Variants in NEXN observed in about 807,000 individuals in gnomAD.
The protein encoded by NEXN is nexilin.
NEXN carries 65 observed loss-of-function variants against 92.6 expected under a neutral mutation model. The observed-to-expected ratio is 0.70, with a 90% CI of 0.57 to 0.86. NEXN has a LOEUF of 0.86. Ranked by LOEUF, NEXN falls within the 40% of genes least tolerant of loss-of-function variation. The pLI is 0.00. For synonymous variants in NEXN, 254 were observed against 242.5 expected (o/e 1.05, Z -0.44); for missense variants, 778 against 771.1 (o/e 1.01, Z -0.11).
chr1:77,925,622 T>C (rs1649783546), intron 6 of NEXN, among the ~76,000 whole-genome samples: 1 of 152,166 alleles, frequency 6.6e-6, no homozygotes, highest in Non-Finnish European at 1.5e-5. Flanking sequence ...TGTTTTGGTT[T>C]TTATATAATA....
chr1:77,942,505 C>G lies in NEXN; in HGVS notation c.1704C>G (p.Gly568=), dbSNP rs397517850. 3 of 1,613,840 alleles carry G rather than the reference C, an allele frequency of 1.9e-6. No individual in the cohort carries two copies. Among genetic ancestry groups the G allele is most frequent in the Non-Finnish European group, 2.5e-6 (3 of 1,179,836 alleles). ...EEEEEGSIMN[G]STAEDEEQTR... The stretch of plus-strand genomic sequence containing the variant: ...AGGAAGAAGGTAGCATCATGAATGG[C>G]TCCACTGCTGAAGATGAAGAGCAAA... Residue 568 remains glycine (G), a synonymous_variant, in exon 13 of 13, where the codon GGC becomes GGG. Transcript: ENST00000334785.
rs373915411 is a variant in NEXN at position 77,909,156 on chromosome 1, C to T, written c.-52-6899C>T. On this transcript the variant is annotated intron_variant, in intron 1 of 12. Transcript: ENST00000334785. Reference sequence around the variant, plus strand: ...AAATATCAGGCCAGGCATGGTGGCTCATGCCTGTAATCCCAAAACTTTGGG... The same window carrying T: ...AAATATCAGGCCAGGCATGGTGGCTTATGCCTGTAATCCCAAAACTTTGGG... 1.2e-4 allele frequency among the ~76,000 whole-genome samples: 19 copies of T among 152,272 alleles called. 1 individual carries two copies. The East Asian group carries it at 2.7e-3, about 22-fold the overall frequency.
rs1346328853 is a variant in NEXN at position 77,942,200 on chromosome 1, C to T, written c.1651C>T (p.Leu551=). The T allele has an allele frequency of 1.2e-5, 19 of 1,613,454 alleles. No homozygotes were observed. Among genetic ancestry groups the T allele is most frequent in the Non-Finnish European group, 1.6e-5 (19 of 1,179,612 alleles). Residue 551 remains leucine (L), a synonymous_variant, in exon 12 of 13, where the codon CTA becomes TTA. Coordinates refer to ENST00000334785, the MANE Select transcript of NEXN (RefSeq NM_144573.4). ...TGAACAAAGGGAAATTGATGCAGCA[C>T]TACAAAAGGTACCAGGCTTATGTAT... ...QFEQREIDAA[L]QKKREEEEEE...
At chr1:77,941,843 ATG>A in intron 11 of NEXN, 178 bp from the exon 12 acceptor site, 1 of 607,868 alleles carries the variant, frequency 1.6e-6, no homozygotes, top group Non-Finnish European at 2.9e-6. Context: ...TGCTTCATAA[ATG>A]TATCTATCAC....
intron 10 of NEXN, among the ~76,000 whole-genome samples, chr1:77,933,776 T>G (rs1650506024): frequency 6.6e-6 from 1 of 152,178 alleles, no homozygotes. Flanking sequence ...ATATTATATA[T>G]AGACTATACA....
chr1:77,942,038 G>A lies in NEXN; in HGVS notation c.1489G>A (p.Val497Ile), dbSNP rs778330292. Residue 497 changes from valine to isoleucine, a missense_variant, in exon 12 of 13, where the codon GTT (valine) becomes ATT (isoleucine). Val to Ile is a conservative substitution (Grantham distance 29). Transcript: ENST00000334785. Reference protein sequence around the residue: ...ENFHEEDDVDVRPARKSEAPF... With the variant: ...ENFHEEDDVDIRPARKSEAPF... Reference sequence around the variant, plus strand: ...TTTCTTGCAGGAAGATGATGTTGATGTTAGGCCTGCAAGAAAAAGCGAGGC... The same window carrying A: ...TTTCTTGCAGGAAGATGATGTTGATATTAGGCCTGCAAGAAAAAGCGAGGC... 43 of 1,612,968 alleles carry A rather than the reference G, an allele frequency of 2.7e-5. 1 individual carries two copies. The East Asian group carries it at 9.6e-4, about 36-fold the overall frequency.
chr1:77,897,242 T>A (rs1647310803), intron 1 of NEXN, among the ~76,000 whole-genome samples: 1 of 152,172 alleles, frequency 6.6e-6, no homozygotes, highest in South Asian at 2.1e-4. Context: ...TTGATGAACA[T>A]TGATGCAAAA....
chr1:77,928,918 G>C (rs1234246616), intron 8 of NEXN, among the ~76,000 whole-genome samples: 1 of 152,090 alleles, frequency 6.6e-6, no homozygotes, highest in African/African-American at 2.4e-5. Flanking sequence ...GCTATAATGT[G>C]TTTTTTGGTT....
intron 11 of NEXN, 27 bp from the exon 12 acceptor site, chr1:77,941,996 T>C: frequency 6.2e-7 from 1 of 1,606,466 alleles, no homozygotes; most frequent in Non-Finnish European, 8.5e-7. Context: ...GGCAAGCAAT[T>C]GTTAATCTTG....
intron 1 of NEXN, among the ~76,000 whole-genome samples, chr1:77,910,754 A>AC (rs1648504202): frequency 3.0e-5 from 3 of 101,114 alleles, no homozygotes; most frequent in Non-Finnish European, 6.4e-5. Flanking sequence ...GTCTCAAAAA[A>AC]AAAAAAAAAA....
intron 10 of NEXN, among the ~76,000 whole-genome samples, chr1:77,935,087 A>G (rs1571155343): frequency 2.6e-5 from 4 of 152,192 alleles, no homozygotes; most frequent in African/African-American, 9.6e-5. Context: ...TGTTTGAGAC[A>G]AAGTCTTGCT....
intron 2 of NEXN, among the ~76,000 whole-genome samples, chr1:77,917,110 A>G (rs965265468): frequency 2.6e-5 from 4 of 152,226 alleles, no homozygotes; most frequent in African/African-American, 7.2e-5. Flanking sequence ...TAAAATGTGA[A>G]TTAGGCTCAA....
intron 1 of NEXN, among the ~76,000 whole-genome samples, chr1:77,912,029 AGATT>A (rs1648624612): frequency 6.6e-6 from 1 of 150,984 alleles, no homozygotes; most frequent in Non-Finnish European, 1.5e-5. Flanking sequence ...CAGTGAGCCG[AGATT>A]GCACCATTGC....
intron 11 of NEXN, among the ~76,000 whole-genome samples, chr1:77,938,904 GGTTGT>G (rs1395512466): frequency 6.6e-6 from 1 of 152,172 alleles, no homozygotes; most frequent in Admixed American, 6.5e-5. Flanking sequence ...TAGGATACAA[GGTTGT>G]AAAAATAGGT....
chr1:77,907,826 T>C (rs2102064258), intron 1 of NEXN, among the ~76,000 whole-genome samples: 1 of 152,312 alleles, frequency 6.6e-6, no homozygotes, highest in South Asian at 2.1e-4. Context: ...CAATTTTCTT[T>C]CATTTCACAC....
intron 1 of NEXN, among the ~76,000 whole-genome samples, chr1:77,907,282 T>G (rs1430308728): frequency 6.6e-6 from 1 of 152,236 alleles, no homozygotes; most frequent in African/African-American, 2.4e-5. Flanking sequence ...TGAAATGCAC[T>G]GTTGTTTCTA....
intron 9 of NEXN, among the ~76,000 whole-genome samples, chr1:77,931,322 A>C (rs1443730519): frequency 6.8e-6 from 1 of 146,360 alleles, no homozygotes; most frequent in Non-Finnish European, 1.5e-5. Flanking sequence ...CTGAGGCAGG[A>C]GAATCGCATG....
At chr1:77,937,633 G>A (rs1650884112) in intron 11 of NEXN, among the ~76,000 whole-genome samples, 1 of 152,160 alleles carries the variant, frequency 6.6e-6, no homozygotes, top group African/African-American at 2.4e-5. Flanking sequence ...AGACTGCAGT[G>A]AGCTGAGATC....
chr1:77,917,605 G>A lies in NEXN; in HGVS notation c.67G>A (p.Val23Ile), dbSNP rs571729575. The change falls in exon 3 of 13, where the codon GTA (valine) becomes ATA (isoleucine). Residue 23 changes from valine to isoleucine, a missense_variant. By Grantham distance (29) the Val-to-Ile change is conservative. Around this residue, in one of 3 missense-constraint regions of NEXN, gnomAD observed 236 missense variants for 265.6 expected, o/e 0.89. Coordinates refer to ENST00000334785, the MANE Select transcript of NEXN (RefSeq NM_144573.4). ...SSSKPVPKTY[V>I]PKLGKGDVKD... ...ATCTAAACCTGTCCCAAAAACCTAT[G>A]TACCAAAACTTGGCAAGGGTGATGT... is the stretch of plus-strand genomic sequence containing the variant. 3.7e-6 allele frequency: 6 copies of A among 1,613,200 alleles called. No individual in the cohort carries two copies. The highest frequency in any genetic ancestry group is 5.1e-6 in the Non-Finnish European group (6 of 1,179,694).
Sources: allele counts gnomAD v4.1 joint callset (sites outside exome capture counted in the v4.1 genomes callset), GRCh38; gene constraint gnomAD v4.1.1; regional missense constraint gnomAD v4.1.1; transcripts MANE v1.5; gene names NCBI Gene and HGNC (gene_info 2026-07-23, HGNC 2026-07-21).